ARHGAP33: variants seen among roughly 807,000 people sequenced by gnomAD.
ARHGAP33 encodes the protein Rho GTPase activating protein 33, also known as rho GTPase-activating protein 33.
ARHGAP33 carries 57 observed loss-of-function variants against 126.2 expected under a neutral mutation model. The ratio of observed to expected loss-of-function variants is 0.45; its 90% confidence interval spans 0.36 to 0.56. The LOEUF is 0.56. Ranked by LOEUF, ARHGAP33 falls within the 20% of genes least tolerant of loss-of-function variation. ARHGAP33 has a pLI of 0.00. For missense variants in ARHGAP33, 1,500 were observed against 1,748.3 expected (o/e 0.86, Z 2.53); for synonymous variants, 711 against 755.0 (o/e 0.94, Z 0.95).
chr19:35,786,453 C>G lies in ARHGAP33; in HGVS notation c.1983C>G (p.Ser661Arg), dbSNP rs1972113769. 1 of 1,535,602 alleles carries G rather than the reference C, an allele frequency of 6.5e-7. No homozygotes were observed. Among genetic ancestry groups the G allele is most frequent in the Admixed American group, 2.0e-5 (1 of 50,956 alleles). ...ACAGGCTGCGGCGACCCCACTCCAG[C>G]AGCGACGCTTTCCCTGTGGGCCCAG... is the stretch of plus-strand genomic sequence containing the variant. ...RLHRLRRPHSSSDAFPVGPAP... is the reference protein window; with the variant it reads ...RLHRLRRPHSRSDAFPVGPAP... The change falls in exon 20 of 21, where the codon AGC becomes AGG. Residue 661 changes from serine (S) to arginine (R), a missense_variant. This residue lies in a region of ARHGAP33 where 300 missense variants were observed against 291.1 expected (regional missense o/e 1.03). Transcript: ENST00000007510. The surrounding 1 kb of genome is among the most constrained non-coding windows in gnomAD (Gnocchi z 7.0).
chr19:35,776,324 C>T (rs1971458963), intron 1 of ARHGAP33, among the ~76,000 whole-genome samples: 1 of 151,982 alleles, frequency 6.6e-6, no homozygotes. Context: ...CACCATTTCC[C>T]TCTCCCACCA....
At chr19:35,775,834 C>T (rs1971425687) in intron 1 of ARHGAP33, among the ~76,000 whole-genome samples, 170 bp downstream of exon 1, 1 of 151,964 alleles carries the variant, frequency 6.6e-6, no homozygotes, top group African/African-American at 2.4e-5. Context: ...GTACCTCGAC[C>T]CCGCCCCCTA....
chr19:35,783,136 G>A (rs1365225308), intron 15 of ARHGAP33, among the ~76,000 whole-genome samples: 2 of 152,188 alleles, frequency 1.3e-5, no homozygotes, highest in Non-Finnish European at 2.9e-5. Flanking sequence ...GAGGAGGAGA[G>A]AGGAGGAGGG....
At position 35,786,460 on chromosome 19, in the gene ARHGAP33, G is replaced by T; in HGVS notation, c.1990G>T (p.Ala664Ser). 1.3e-6 allele frequency: 2 copies of T among 1,535,776 alleles called. No homozygotes were observed. Among genetic ancestry groups the T allele is most frequent in the Non-Finnish European group, 1.7e-6 (2 of 1,146,716 alleles). Residue 664 changes from alanine to serine, a missense_variant, in exon 20 of 21, where the codon GCT (alanine) becomes TCT (serine). By Grantham distance (99) the Ala-to-Ser change is moderately conservative. Coordinates refer to ENST00000007510, the MANE Select transcript of ARHGAP33 (RefSeq NM_001366178.1). This position sits in a 1 kb window ranked among gnomAD's most constrained non-coding sequence, Gnocchi z 7.0. ...GCGGCGACCCCACTCCAGCAGCGAC[G>T]CTTTCCCTGTGGGCCCAGCACCTGC... ...RLRRPHSSSD[A>S]FPVGPAPAGS...
Position 35,784,203 on chromosome 19 carries a change from G to C in ARHGAP33, c.1453G>C (p.Gly485Arg). The C allele has an allele frequency of 1.2e-6, 2 of 1,611,814 alleles. No homozygotes were observed. The highest frequency in any genetic ancestry group is 8.5e-7 in the Non-Finnish European group (1 of 1,178,720). Residue 485 changes from glycine to arginine, a missense_variant, in exon 16 of 21, where the codon GGC (glycine) becomes CGC (arginine). Physicochemically the swap from Gly to Arg is moderately radical, Grantham distance 125 (BLOSUM62 -2). Coordinates refer to ENST00000007510, the MANE Select transcript of ARHGAP33 (RefSeq NM_001366178.1). ...SMELESVGMG[G>R]AAAFREVRVQ... ...GGAGCTGGAGTCAGTGGGAATGGGTGGCGCGGCGGCGTTCCGGGAAGTTCG... is the reference window on the plus strand; with the variant it reads ...GGAGCTGGAGTCAGTGGGAATGGGTCGCGCGGCGGCGTTCCGGGAAGTTCG...
Position 35,780,443 on chromosome 19 carries a change from T to C in ARHGAP33, c.647T>C (p.Ile216Thr), listed in dbSNP as rs761733901. Residue 216 changes from isoleucine (I) to threonine (T), a missense_variant, in exon 8 of 21, where the codon ATC becomes ACC. Coordinates refer to ENST00000007510, the MANE Select transcript of ARHGAP33 (RefSeq NM_001366178.1). ...SFEVGDIVSV[I>T]DMPPTEDRSW... Reference sequence around the variant, plus strand: ...CAGGTGGGAGACATTGTCTCGGTGATCGACATGCCACCCACAGAGGATCGG... The same window carrying C: ...CAGGTGGGAGACATTGTCTCGGTGACCGACATGCCACCCACAGAGGATCGG... 3.4e-5 allele frequency: 55 copies of C among 1,597,376 alleles called. No individual in the cohort carries two copies. Among genetic ancestry groups the C allele is most frequent in the Non-Finnish European group, 4.2e-5 (49 of 1,169,492 alleles).
At chr19:35,784,476 C>G in intron 16 of ARHGAP33, 159 bp downstream of exon 16, 6 of 1,366,128 alleles carry the variant, frequency 4.4e-6, no homozygotes, top group Non-Finnish European at 5.6e-6. Context: ...TCCCCGCGCC[C>G]CCCTCCTTCT....
At position 35,782,282 on chromosome 19, in the gene ARHGAP33, G is replaced by T; in HGVS notation, c.1086-91G>T. 6.9e-7 allele frequency: 1 copy of T among 1,456,244 alleles called. No individual in the cohort carries two copies. The highest frequency in any genetic ancestry group is 1.3e-5 in the South Asian group (1 of 78,432). The allele number at this position is 1,456,244 out of a possible 1,614,324, so 90.2% of individuals were successfully genotyped here. ...GGGGAAGAGGGTTCCATCCACCTGC[G>T]GGCACTTGGGGGTAGGGGCAAGGGG... is the stretch of plus-strand genomic sequence containing the variant. On this transcript the variant is annotated intron_variant, in intron 12 of 20. Coordinates refer to ENST00000007510, the MANE Select transcript of ARHGAP33 (RefSeq NM_001366178.1). This position sits in a 1 kb window ranked among gnomAD's most constrained non-coding sequence, Gnocchi z 4.1.
At chr19:35,783,514 G>C (rs1291989553) in intron 15 of ARHGAP33, among the ~76,000 whole-genome samples, 1 of 152,302 alleles carries the variant, frequency 6.6e-6, no homozygotes, top group South Asian at 2.1e-4. Context: ...GCGCACGTGG[G>C]GAGTGACAGG....
chr19:35,785,849 C>T (rs1972084726), intron 19 of ARHGAP33: 1 of 1,163,880 alleles, frequency 8.6e-7, no homozygotes, highest in African/African-American at 1.6e-5. Flanking sequence ...TGCAGACTAC[C>T]CTGCCCTTGC....
At chr19:35,780,117 C>T (rs1404854600) in intron 6 of ARHGAP33, 94 bp from the exon 7 acceptor site, 6 of 1,514,734 alleles carry the variant, frequency 4.0e-6, no homozygotes, top group Middle Eastern at 1.8e-4. Context: ...TTGACGGGGG[C>T]GGGCAGTGGC....
At chr19:35,778,433 C>G in intron 4 of ARHGAP33, 31 bp from the exon 5 acceptor site, 1 of 1,614,126 alleles carries the variant, frequency 6.2e-7, no homozygotes, top group Non-Finnish European at 8.5e-7. Context: ...TCATGGGGCC[C>G]CTGCTCCCTT....
chr19:35,785,935 T>A, intron 19 of ARHGAP33: 1 of 1,059,906 alleles, frequency 9.4e-7, no homozygotes. Flanking sequence ...GAAACTTGAT[T>A]TAAAGGGCGT....
At chr19:35,781,887 C>CTCG (rs1327134240) in intron 12 of ARHGAP33, among the ~76,000 whole-genome samples, 1 of 151,728 alleles carries the variant, frequency 6.6e-6, no homozygotes, top group Non-Finnish European at 1.5e-5. Flanking sequence ...CAGGCGAGAT[C>CTCG]TCGGCCTGCA....
chr19:35,778,148 G>A, intron 3 of ARHGAP33, 132 bp from the exon 4 acceptor site: 1 of 962,112 alleles, frequency 1.0e-6, no homozygotes, highest in Non-Finnish European at 1.6e-6. Flanking sequence ...CTATGTCAGG[G>A]ACCAGGACAT....
chr19:35,779,500 G>A (rs552892818), intron 6 of ARHGAP33, among the ~76,000 whole-genome samples: 8 of 152,032 alleles, frequency 5.3e-5, no homozygotes, highest in African/African-American at 9.7e-5. Context: ...GCATGATCTC[G>A]CCCACCACAA....
chr19:35,780,677 G>T (rs368115676), intron 9 of ARHGAP33, 29 bp downstream of exon 9: 3 of 1,610,792 alleles, frequency 1.9e-6, no homozygotes, highest in Non-Finnish European at 1.7e-6. Context: ...TGGGAGGTGT[G>T]GGGAGGGGTG....
intron 1 of ARHGAP33, among the ~76,000 whole-genome samples, chr19:35,776,959 C>T (rs1599769417): frequency 6.6e-6 from 1 of 152,230 alleles, no homozygotes; most frequent in East Asian, 1.9e-4. Flanking sequence ...GATGAATGTA[C>T]CCAGGGAAAG....
At chr19:35,783,135 AGAG>A (rs1423236059) in intron 15 of ARHGAP33, among the ~76,000 whole-genome samples, 2 of 152,106 alleles carry the variant, frequency 1.3e-5, no homozygotes, top group Admixed American at 1.3e-4. Flanking sequence ...TGAGGAGGAG[AGAG>A]GAGGAGGGAA....
Sources: allele counts gnomAD v4.1 joint callset (sites outside exome capture counted in the v4.1 genomes callset), GRCh38; gene constraint gnomAD v4.1.1; regional missense constraint gnomAD v4.1.1; non-coding constraint Gnocchi (gnomAD v3.1); transcripts MANE v1.5; gene names NCBI Gene and HGNC (gene_info 2026-07-23, HGNC 2026-07-21).